The following COL4A1 variants were observed in gnomAD, a reference collection of about 807,000 sequenced individuals.
The protein encoded by COL4A1 is collagen alpha-1(IV) chain.
A neutral mutation model predicts 216.6 loss-of-function variants in COL4A1; 40 were observed. That is an observed-to-expected ratio of 0.18 (90% confidence interval 0.14 to 0.24). The LOEUF (loss-of-function observed/expected upper bound fraction) is 0.24. Ranked by LOEUF, COL4A1 falls within the 10% of genes least tolerant of loss-of-function variation. The pLI, the probability that COL4A1 is intolerant of heterozygous loss-of-function variation, is 1.00. For missense variants in COL4A1, 1,628 were observed against 2,196.8 expected (o/e 0.74, Z 5.18); for synonymous variants, 839 against 810.7 (o/e 1.03, Z -0.59).
intron 49 of COL4A1, among the ~76,000 whole-genome samples, chr13:110,159,575 C>T (rs1270059760): frequency 2.0e-5 from 3 of 152,194 alleles, no homozygotes; most frequent in African/African-American, 7.2e-5. Flanking sequence ...AGAATTACCA[C>T]ATGATCCCAC....
Position 110,211,898 on chromosome 13 carries a change from G to A in COL4A1, c.412C>T (p.Pro138Ser), listed in dbSNP as rs1233637125. The A allele has an allele frequency of 5.6e-6, 9 of 1,614,056 alleles. No individual in the cohort carries two copies. The highest frequency in any genetic ancestry group is 7.6e-6 in the Non-Finnish European group (9 of 1,180,016). Residue 138 changes from proline (P) to serine (S), a missense_variant, in exon 7 of 52, where the codon CCT becomes TCT. By Grantham distance (74) the Pro-to-Ser change is moderately conservative. Around this residue, in one of 8 missense-constraint regions of COL4A1, gnomAD observed 150 missense variants for 211.9 expected, o/e 0.71. Coordinates refer to ENST00000375820, the MANE Select transcript of COL4A1 (RefSeq NM_001845.6). The surrounding 1 kb of genome is among the most constrained non-coding windows in gnomAD (Gnocchi z 4.3). ...TKGERGPLGP[P>S]GLPGFAGNPG... ...TTTCCAGCGAAACCAGGCAAGCCAG[G>A]AGGCCCGAGCGGCCCTCTCTCCCCC...
intron 1 of COL4A1, among the ~76,000 whole-genome samples, chr13:110,274,969 G>A (rs893265470): frequency 1.3e-5 from 2 of 152,136 alleles, no homozygotes; most frequent in East Asian, 1.9e-4. Flanking sequence ...ATCCTTGCTC[G>A]CAGCCGTCAC....
intron 1 of COL4A1, among the ~76,000 whole-genome samples, chr13:110,260,930 G>A (rs1258541507): frequency 9.2e-5 from 14 of 151,780 alleles, no homozygotes; most frequent in Admixed American, 2.6e-4. Context: ...CCAGCTACTC[G>A]GGAGGCTGAG....
At chr13:110,284,143 C>T (rs1486837322) in intron 1 of COL4A1, among the ~76,000 whole-genome samples, 2 of 152,218 alleles carry the variant, frequency 1.3e-5, no homozygotes, top group Admixed American at 1.3e-4. Context: ...ATTTCACACC[C>T]AGACAGGATG....
chr13:110,250,492 T>C (rs540579336), intron 1 of COL4A1, among the ~76,000 whole-genome samples: 1 of 152,298 alleles, frequency 6.6e-6, no homozygotes, highest in South Asian at 2.1e-4. Context: ...CTTCTTTTCT[T>C]CCCTTTTTCC....
chr13:110,177,889 G>T lies in COL4A1; in HGVS notation c.2669C>A (p.Pro890Gln). The part of the protein sequence containing the change: ...EMGVMGTPGQ[P>Q]GSPGPVGAPG... ...AGCACCCACTGGTCCTGGTGAGCCC[G>T]GCTGCCCGGGGGTCCCCATGACGCC... Residue 890 changes from proline (P) to glutamine (Q), a missense_variant, in exon 33 of 52, where the codon CCG becomes CAG. By Grantham distance (76) the Pro-to-Gln change is moderately conservative. This residue lies in a region of COL4A1 where 701 missense variants were observed against 892.5 expected (regional missense o/e 0.79). Coordinates refer to ENST00000375820, the MANE Select transcript of COL4A1 (RefSeq NM_001845.6). 6.2e-7 allele frequency: 1 copy of T among 1,614,110 alleles called. No homozygotes were observed.
chr13:110,249,144 T>C (rs1403785913), intron 1 of COL4A1, among the ~76,000 whole-genome samples: 1 of 151,918 alleles, frequency 6.6e-6, no homozygotes, highest in Non-Finnish European at 1.5e-5. Flanking sequence ...GAGGCATCTG[T>C]CTATGGGGAA....
rs556914793 is a variant in COL4A1 at position 110,230,758 on chromosome 13, T to C, written c.144+11917A>G. 4.8e-4 allele frequency among the ~76,000 whole-genome samples: 73 copies of C among 152,360 alleles called. 1 individual carries two copies. The highest frequency in any genetic ancestry group is 1.9e-3 in the Admixed American group (29 of 15,310). On this transcript the variant is annotated intron_variant, in intron 2 of 51. Coordinates refer to ENST00000375820, the MANE Select transcript of COL4A1 (RefSeq NM_001845.6). The stretch of plus-strand genomic sequence containing the variant: ...CCCCCCGTGGTATGTTCCTCTGCCC[T>C]GACAGGCAGGACACCTGTGGAGCCA...
intron 1 of COL4A1, among the ~76,000 whole-genome samples, chr13:110,255,582 C>A (rs1360984317): frequency 9.6e-5 from 2 of 20,926 alleles, no homozygotes; most frequent in South Asian, 1.5e-3. Flanking sequence ...AGGGGGCAGG[C>A]AGGCAGGAAG....
intron 1 of COL4A1, among the ~76,000 whole-genome samples, chr13:110,270,153 G>A (rs539068992): frequency 6.6e-6 from 1 of 152,314 alleles, no homozygotes; most frequent in South Asian, 2.1e-4. Context: ...TGAAGCTGCT[G>A]TGAAGGCTGC....
chr13:110,230,739 G>A (rs945989294), intron 2 of COL4A1, among the ~76,000 whole-genome samples: 8 of 152,222 alleles, frequency 5.3e-5, no homozygotes, highest in Non-Finnish European at 8.8e-5. Flanking sequence ...AAGTCCCCCC[G>A]TGGTATGTTC....
At chr13:110,159,961 G>A (rs1876991928) in intron 49 of COL4A1, among the ~76,000 whole-genome samples, 2 of 152,112 alleles carry the variant, frequency 1.3e-5, no homozygotes, top group South Asian at 4.1e-4. Context: ...GGAGGGATGT[G>A]GAGTCAGTGT....
At chr13:110,198,940 C>T (rs1184269528) in intron 20 of COL4A1, among the ~76,000 whole-genome samples, 2 of 152,224 alleles carry the variant, frequency 1.3e-5, no homozygotes, top group African/African-American at 2.4e-5. Flanking sequence ...GGGTGCACTG[C>T]ATTTCTACTT....
rs964838806 is a variant in COL4A1, at chr13:110,208,841, G to A, written c.693+8C>T. ...ACATGAAAGCACTCCAGAGCAATAT[G>A]CACTCACCTTGTCACCTTTTGGTCC... On this transcript the variant is annotated splice_region_variant and intron_variant, in intron 12 of 51. Transcript: ENST00000375820. 2 of 1,614,108 alleles carry A rather than the reference G, an allele frequency of 1.2e-6. No homozygotes were observed. The highest frequency in any genetic ancestry group is 1.7e-6 in the Non-Finnish European group (2 of 1,179,958).
intron 2 of COL4A1, among the ~76,000 whole-genome samples, chr13:110,223,979 T>A (rs1465566451): frequency 6.6e-6 from 1 of 152,202 alleles, no homozygotes; most frequent in Non-Finnish European, 1.5e-5. Flanking sequence ...ACACTTTGGT[T>A]AACTTTTGGT....
chr13:110,176,777 T>A, intron 34 of COL4A1, 53 bp from the exon 35 acceptor site: 1 of 1,613,790 alleles, frequency 6.2e-7, no homozygotes, highest in Non-Finnish European at 8.5e-7. Flanking sequence ...GCAAGCAAGT[T>A]GCTGCAGAAA....
chr13:110,172,732 T>G lies in COL4A1; in HGVS notation c.3544A>C (p.Lys1182Gln). The stretch of plus-strand genomic sequence containing the variant: ...GAGCAAAGATTACCTTTGTCTCCTT[T>G]GGCCCCTGGAAACCCTGGGAATCCT... ...GRGFPGFPGA[K>Q]GDKGSKGEVG... Residue 1182 changes from lysine to glutamine, a missense_variant, in exon 41 of 52, where the codon AAA (lysine) becomes CAA (glutamine). This residue lies in a region of COL4A1 where 345 missense variants were observed against 476.9 expected (regional missense o/e 0.72). Transcript: ENST00000375820. 6.2e-7 allele frequency: 1 copy of G among 1,614,060 alleles called. No individual in the cohort carries two copies. The highest frequency in any genetic ancestry group is 8.5e-7 in the Non-Finnish European group (1 of 1,179,890).
At chr13:110,261,111 A>G (rs1023688578) in intron 1 of COL4A1, among the ~76,000 whole-genome samples, 1 of 151,748 alleles carries the variant, frequency 6.6e-6, no homozygotes, top group African/African-American at 2.4e-5. Context: ...AAAAATGTGA[A>G]AAAGATTTGT....
chr13:110,235,030 T>C (rs1881242603), intron 2 of COL4A1, among the ~76,000 whole-genome samples: 1 of 152,242 alleles, frequency 6.6e-6, no homozygotes, highest in African/African-American at 2.4e-5. Context: ...TTTGATTTTA[T>C]GGTATATATT....
Sources: allele counts gnomAD v4.1 joint callset (sites outside exome capture counted in the v4.1 genomes callset), GRCh38; gene constraint gnomAD v4.1.1; regional missense constraint gnomAD v4.1.1; non-coding constraint Gnocchi (gnomAD v3.1); transcripts MANE v1.5; gene names NCBI Gene and HGNC (gene_info 2026-07-23, HGNC 2026-07-21).